Variants in QTMAN observed in about 807,000 individuals in gnomAD.
The protein encoded by QTMAN is queuosine-tRNA mannosyltransferase.
At chr2:144,295,860 A>G in the QTMAN span, among the ~76,000 whole-genome samples, 1 of 152,148 alleles carries the variant, frequency 6.6e-6, no homozygotes, top group Non-Finnish European at 1.5e-5. Context: ...TCAGCCTCCC[A>G]AAGTGCTAGG....
chr2:144,296,500 A>G, the QTMAN span, among the ~76,000 whole-genome samples: 1 of 152,188 alleles, frequency 6.6e-6, no homozygotes, highest in Non-Finnish European at 1.5e-5. Flanking sequence ...ATTATGACTG[A>G]AAAAAATATT....
chr2:144,221,405 T>C, the QTMAN span, among the ~76,000 whole-genome samples: 1 of 152,170 alleles, frequency 6.6e-6, no homozygotes, highest in Non-Finnish European at 1.5e-5. Context: ...TGAATATATA[T>C]TGCCATGGGA....
the QTMAN span, among the ~76,000 whole-genome samples, chr2:144,285,162 T>C: frequency 6.6e-6 from 1 of 152,114 alleles, no homozygotes; most frequent in Non-Finnish European, 1.5e-5. Flanking sequence ...TAAGATATAA[T>C]GTACCTTTCA....
At chr2:144,051,106 T>G in the QTMAN span, among the ~76,000 whole-genome samples, 1 of 152,212 alleles carries the variant, frequency 6.6e-6, no homozygotes, top group Non-Finnish European at 1.5e-5. Context: ...TATTTCCTCA[T>G]GACCTTACCA....
At chr2:144,055,702 G>A in the QTMAN span, among the ~76,000 whole-genome samples, 4 of 152,080 alleles carry the variant, frequency 2.6e-5, no homozygotes, top group African/African-American at 9.7e-5. Flanking sequence ...ATAGTGGGAG[G>A]TGGCAAGTAC....
At chr2:144,097,516 C>T in the QTMAN span, among the ~76,000 whole-genome samples, 7 of 152,134 alleles carry the variant, frequency 4.6e-5, no homozygotes, top group Non-Finnish European at 8.8e-5. Context: ...AGTTCCAACT[C>T]ACGCACTTGT....
chr2:144,291,183 A>G, the QTMAN span, among the ~76,000 whole-genome samples: 2 of 152,218 alleles, frequency 1.3e-5, no homozygotes, highest in African/African-American at 4.8e-5. Flanking sequence ...CACCCTAACA[A>G]TCTAATGCTA....
the QTMAN span, among the ~76,000 whole-genome samples, chr2:143,975,725 T>C: frequency 3.3e-5 from 5 of 152,292 alleles, no homozygotes; most frequent in East Asian, 9.7e-4. Context: ...TTAAGATGTC[T>C]TGTGTTAAGA....
At chr2:143,987,981 A>T in the QTMAN span, among the ~76,000 whole-genome samples, 1 of 152,210 alleles carries the variant, frequency 6.6e-6, no homozygotes, top group African/African-American at 2.4e-5. Flanking sequence ...AAACTGGGAA[A>T]AACAGGGTGG....
chr2:144,209,715 T>C, the QTMAN span, among the ~76,000 whole-genome samples: 3 of 152,234 alleles, frequency 2.0e-5, no homozygotes, highest in African/African-American at 7.2e-5. Flanking sequence ...ATCTCTAATA[T>C]ACATCTCAAA....
the QTMAN span, among the ~76,000 whole-genome samples, chr2:144,246,027 G>C: frequency 6.6e-6 from 1 of 152,104 alleles, no homozygotes; most frequent in Non-Finnish European, 1.5e-5. Context: ...GTTAAGAACT[G>C]ATCTACTGTA....
chr2:144,033,055 A>G, the QTMAN span, among the ~76,000 whole-genome samples: 1 of 152,260 alleles, frequency 6.6e-6, no homozygotes, highest in African/African-American at 2.4e-5. Context: ...CTTATAAAAT[A>G]ATGGCTACTT....
At chr2:144,226,527 C>T in the QTMAN span, among the ~76,000 whole-genome samples, 28 of 152,198 alleles carry the variant, frequency 1.8e-4, no homozygotes, top group African/African-American at 6.7e-4. Flanking sequence ...TATGTAAGAA[C>T]CCTTCTCCTA....
At chr2:144,083,544 G>A in the QTMAN span, among the ~76,000 whole-genome samples, 2 of 152,178 alleles carry the variant, frequency 1.3e-5, no homozygotes, top group East Asian at 3.8e-4. Context: ...TTATGCAATA[G>A]AACAAAGCCT....
chr2:144,255,012 A>G, the QTMAN span, among the ~76,000 whole-genome samples: 1 of 152,192 alleles, frequency 6.6e-6, no homozygotes, highest in African/African-American at 2.4e-5. Flanking sequence ...GAAGTAACTA[A>G]CTTGCTTTTA....
the QTMAN span, among the ~76,000 whole-genome samples, chr2:144,165,366 G>A: frequency 2.6e-5 from 4 of 151,420 alleles, no homozygotes; most frequent in Non-Finnish European, 4.4e-5. Context: ...GTGAGACTCC[G>A]TCTCAAAAAA....
the QTMAN span, among the ~76,000 whole-genome samples, chr2:144,123,303 T>G: frequency 6.6e-6 from 1 of 152,134 alleles, no homozygotes; most frequent in Admixed American, 6.6e-5. Context: ...AATAGATAAC[T>G]TACACAGACT....
chr2:143,983,302 G>C, the QTMAN span, among the ~76,000 whole-genome samples: 3,025 of 152,040 alleles, frequency 0.02, 113 homozygotes, highest in African/African-American at 0.069. Flanking sequence ...ATAAAGAAAG[G>C]CTGTTATTAT....
chr2:144,270,007 A>C, the QTMAN span, among the ~76,000 whole-genome samples: 1 of 152,200 alleles, frequency 6.6e-6, no homozygotes, highest in Non-Finnish European at 1.5e-5. Context: ...TATTTTAATT[A>C]ATCTATATAC....
Sources: gnomAD v4.1 joint callset for allele counts (sites outside exome capture counted in the v4.1 genomes callset) on GRCh38, gnomAD v4.1.1 for gene constraint, MANE v1.5 for transcripts, NCBI Gene and HGNC (gene_info 2026-07-23, HGNC 2026-07-21) for gene names.